The following ZNF507 variants were observed in gnomAD, a reference collection of about 807,000 sequenced individuals.
ZNF507 encodes the protein zinc finger protein 507.
A neutral mutation model predicts 80.0 loss-of-function variants in ZNF507; 29 were observed. The ratio of observed to expected loss-of-function variants is 0.36; its 90% confidence interval spans 0.27 to 0.49. The LOEUF is 0.49. Among genes scored for constraint, ZNF507 ranks in the 20% least tolerant of loss-of-function variants. ZNF507 has a pLI of 0.98. For missense variants in ZNF507, 1,081 were observed against 1,152.2 expected, an observed-to-expected ratio of 0.94 and a Z score of 0.90; for synonymous variants, 462 against 422.5, an observed-to-expected ratio of 1.09 and a Z score of -1.15.
chr19:32,380,624 A>T lies in ZNF507; in HGVS notation c.2361-1843A>T. ...ATTGGTGTAGGAAAGAGTTCAGGTA[A>T]GTAAGTTATCTGGTTTGTTAGGTTT... On this transcript the variant is annotated intron_variant, in intron 5 of 6. Transcript: ENST00000355898. 3.3e-6 allele frequency: 5 copies of T among 1,535,290 alleles called. 1 individual carries two copies. In the South Asian group the frequency reaches 5.9e-5, roughly 18 times the overall value.
intron 2 of ZNF507, among the ~76,000 whole-genome samples, chr19:32,351,559 T>C (rs1334803329): frequency 1.6e-5 from 2 of 128,870 alleles, no homozygotes; most frequent in African/African-American, 2.9e-5. Context: ...GGACATTAGG[T>C]ATCATCTTGG....
chr19:32,366,649 T>C (rs183858860), intron 5 of ZNF507, among the ~76,000 whole-genome samples: 4 of 152,258 alleles, frequency 2.6e-5, no homozygotes, highest in African/African-American at 9.6e-5. Flanking sequence ...CTCCCTGATA[T>C]GATCTGATAC....
chr19:32,350,092 T>C (rs371250218), intron 2 of ZNF507, among the ~76,000 whole-genome samples: 12 of 152,274 alleles, frequency 7.9e-5, no homozygotes, highest in African/African-American at 2.9e-4. Context: ...CTCATATATA[T>C]GTATTTCTGC....
rs573227049 is a variant in ZNF507 at position 32,386,220 on chromosome 19, G to C, written c.*3137G>C. ...TTCTGGATCTTTCTTCCTATTGAAG[G>C]TGGCTGCTGGTGGCTTCATAATTTT... On this transcript the variant is annotated 3_prime_UTR_variant, in exon 7 of 7. Transcript: ENST00000355898. The C allele has an allele frequency of 2.0e-5, 3 of 152,686 alleles. No individual in the cohort carries two copies. Among genetic ancestry groups the C allele is most frequent in the Admixed American group, 2.0e-4 (3 of 15,296 alleles). 9.5% of individuals were successfully genotyped at this position (152,686 alleles called of 1,614,324 possible).
chr19:32,368,473 C>T (rs1325323603), intron 5 of ZNF507, among the ~76,000 whole-genome samples: 11 of 152,180 alleles, frequency 7.2e-5, no homozygotes, highest in Admixed American at 7.2e-4. Flanking sequence ...TAGGCAAAAG[C>T]TCTGTTGCCT....
At chr19:32,347,192 T>G (rs1461506851) in intron 1 of ZNF507, 53 bp from the exon 2 acceptor site, 1 of 152,610 alleles carries the variant, frequency 6.6e-6, no homozygotes. Flanking sequence ...TTACTTTGTT[T>G]CACCAAGAAA....
At chr19:32,347,961 G>C (rs991860801) in intron 2 of ZNF507, among the ~76,000 whole-genome samples, 2 of 152,208 alleles carry the variant, frequency 1.3e-5, no homozygotes, top group South Asian at 4.2e-4. Context: ...ATTACCTTGG[G>C]CTCAGAAGAT....
intron 5 of ZNF507, among the ~76,000 whole-genome samples, chr19:32,376,273 TC>T (rs746629268): frequency 5.3e-5 from 8 of 152,154 alleles, no homozygotes; most frequent in Admixed American, 1.3e-4. Context: ...TTCTTTTTTT[TC>T]CTATATATTT....
intron 5 of ZNF507, among the ~76,000 whole-genome samples, chr19:32,375,586 A>G (rs959242473): frequency 2.0e-5 from 3 of 152,254 alleles, no homozygotes; most frequent in East Asian, 1.9e-4. Context: ...TATGAAATGT[A>G]GATCTCATTT....
At chr19:32,371,991 A>G (rs1967480789) in intron 5 of ZNF507, among the ~76,000 whole-genome samples, 2 of 152,136 alleles carry the variant, frequency 1.3e-5, no homozygotes, top group Admixed American at 1.3e-4. Context: ...TCTATCCTAA[A>G]AAATAATCTG....
intron 5 of ZNF507, among the ~76,000 whole-genome samples, chr19:32,368,941 G>A (rs942396430): frequency 6.6e-6 from 1 of 152,180 alleles, no homozygotes; most frequent in African/African-American, 2.4e-5. Flanking sequence ...AGCCCTCAAG[G>A]CAGTTGACCT....
At position 32,354,111 on chromosome 19, in the gene ZNF507, C is replaced by G. The variant is rs1457256672; in HGVS notation, c.1281C>G (p.Ser427Arg). 1.2e-6 allele frequency: 2 copies of G among 1,613,572 alleles called. No homozygotes were observed. Among genetic ancestry groups the G allele is most frequent in the African/African-American group, 1.3e-5 (1 of 75,014 alleles). ...NTEMEEGKDLSLTEAQIGREG... is the reference protein window; with the variant it reads ...NTEMEEGKDLRLTEAQIGREG... ...AAATGGAAGAAGGGAAGGACCTGAG[C>G]CTGACAGAAGCTCAGATTGGGCGCG... Residue 427 changes from serine (S) to arginine (R), a missense_variant, in exon 3 of 7, where the codon AGC (serine) becomes AGG (arginine). Ser to Arg is a moderately radical substitution (Grantham distance 110, BLOSUM62 -1). Around this residue, in one of 6 missense-constraint regions of ZNF507, gnomAD observed 614 missense variants for 583.9 expected, o/e 1.05. Transcript: ENST00000355898.
chr19:32,378,299 T>C (rs1335187362), intron 5 of ZNF507, among the ~76,000 whole-genome samples: 1 of 152,014 alleles, frequency 6.6e-6, no homozygotes, highest in Non-Finnish European at 1.5e-5. Context: ...GTTGCAGTTT[T>C]CCGAGACCAC....
intron 5 of ZNF507, among the ~76,000 whole-genome samples, chr19:32,380,084 T>C (rs1967604006): frequency 2.0e-5 from 3 of 152,206 alleles, no homozygotes. Context: ...GATTCCACAT[T>C]TTATCAGACT....
At chr19:32,356,572 C>A in intron 3 of ZNF507, 44 bp from the exon 4 acceptor site, 1 of 1,390,916 alleles carries the variant, frequency 7.2e-7, no homozygotes, top group Non-Finnish European at 1.0e-6. Flanking sequence ...AAGAGTTGGA[C>A]ATGTATATTT....
intron 2 of ZNF507, among the ~76,000 whole-genome samples, chr19:32,352,140 C>A (rs1376707874): frequency 1.0e-4 from 15 of 145,072 alleles, no homozygotes; most frequent in Admixed American, 3.4e-4. Flanking sequence ...TAAAAAAAAA[C>A]CACAGCATAG....
chr19:32,367,631 G>A (rs1461940891), intron 5 of ZNF507, among the ~76,000 whole-genome samples: 3 of 152,294 alleles, frequency 2.0e-5, no homozygotes, highest in Admixed American at 6.5e-5. Context: ...TAAGGTAGAC[G>A]ATGATACAGA....
chr19:32,348,395 A>G (rs961201402), intron 2 of ZNF507, among the ~76,000 whole-genome samples: 1 of 152,150 alleles, frequency 6.6e-6, no homozygotes, highest in Non-Finnish European at 1.5e-5. Context: ...TCATATAAAC[A>G]CAGAAAATTA....
intron 5 of ZNF507, among the ~76,000 whole-genome samples, chr19:32,373,157 C>T (rs1027030868): frequency 1.3e-5 from 2 of 152,200 alleles, no homozygotes; most frequent in African/African-American, 4.8e-5. Context: ...AGTCACTTTC[C>T]AAAGTCCCCA....
Sources: gnomAD v4.1 joint callset for allele counts (sites outside exome capture counted in the v4.1 genomes callset) on GRCh38, gnomAD v4.1.1 for gene constraint, gnomAD v4.1.1 regional missense constraint, MANE v1.5 for transcripts, NCBI Gene and HGNC (gene_info 2026-07-23, HGNC 2026-07-21) for gene names.